FOXP2: variants seen among roughly 807,000 people sequenced by gnomAD.
FOXP2 encodes forkhead box protein P2.
In FOXP2, 12 loss-of-function variants were observed where a neutral mutation model predicts 115.8. The observed-to-expected ratio is 0.10, with a 90% CI of 0.07 to 0.17. FOXP2 has a LOEUF of 0.17. Among genes scored for constraint, FOXP2 ranks in the 10% least tolerant of loss-of-function variants. The pLI is 1.00. For missense variants in FOXP2, 629 were observed against 843.5 expected (o/e 0.75, Z 3.15); for synonymous variants, 328 against 297.7 (o/e 1.10, Z -1.05).
intron 2 of FOXP2, among the ~76,000 whole-genome samples, chr7:114,439,693 C>T (rs1280831686): frequency 1.3e-5 from 2 of 152,000 alleles, no homozygotes; most frequent in Admixed American, 6.6e-5. Flanking sequence ...TACAGGTGTG[C>T]ACCACCACGC....
At chr7:114,425,019 C>A (rs1364501548) in intron 1 of FOXP2, among the ~76,000 whole-genome samples, 1 of 151,126 alleles carries the variant, frequency 6.6e-6, no homozygotes, top group Non-Finnish European at 1.5e-5. Flanking sequence ...TTAATTTTAA[C>A]AATTTTAATA....
intron 2 of FOXP2, among the ~76,000 whole-genome samples, chr7:114,444,267 A>G (rs970369983): frequency 6.6e-6 from 1 of 152,148 alleles, no homozygotes; most frequent in Non-Finnish European, 1.5e-5. Flanking sequence ...CCTTTTTGAA[A>G]TCTCACCAAG....
intron 2 of FOXP2, among the ~76,000 whole-genome samples, chr7:114,392,926 A>T (rs1386748446): frequency 6.6e-6 from 1 of 152,166 alleles, no homozygotes; most frequent in Non-Finnish European, 1.5e-5. Context: ...TGGGTTTAAG[A>T]GAATCAGTGC....
intron 2 of FOXP2, among the ~76,000 whole-genome samples, chr7:114,528,292 T>A (rs1027184314): frequency 1.3e-5 from 2 of 152,108 alleles, no homozygotes; most frequent in African/African-American, 2.4e-5. Context: ...ATATCCTCCA[T>A]AAAAATTTCA....
chr7:114,297,382 T>C (rs1358208146), intron 2 of FOXP2: 3 of 722,662 alleles, frequency 4.2e-6, no homozygotes, highest in Non-Finnish European at 7.0e-6. Context: ...TTGGTCACCT[T>C]GTGGCCCTTG....
upstream of FOXP2, among the ~76,000 whole-genome samples, chr7:114,159,385 A>G (rs1292960343): frequency 6.6e-6 from 1 of 152,198 alleles, no homozygotes; most frequent in African/African-American, 2.4e-5. Flanking sequence ...AAGATTTACT[A>G]AACTCTGAGA....
rs964531926 is a variant in FOXP2 at position 114,509,000 on chromosome 7, A to G, written c.169-25617A>G. Among the ~76,000 whole-genome samples the G allele has an allele frequency of 2.6e-5, 4 of 152,232 alleles. No individual in the cohort carries two copies. In the East Asian group the frequency reaches 7.7e-4, roughly 29 times the overall value. On this transcript the variant is annotated intron_variant, in intron 2 of 16. Transcript: ENST00000350908. The stretch of plus-strand genomic sequence containing the variant: ...ATTAAAGAGATCTTAAAGAAGTAAA[A>G]GAGCAAGCTTTGTGTATTTGAGAGA...
At chr7:114,335,807 G>C (rs938269039) in intron 2 of FOXP2, among the ~76,000 whole-genome samples, 1 of 151,380 alleles carries the variant, frequency 6.6e-6, no homozygotes, top group African/African-American at 2.4e-5. Flanking sequence ...CTATATAATA[G>C]GCATGAAAAA....
At chr7:114,400,736 A>G (rs914229948) in intron 2 of FOXP2, among the ~76,000 whole-genome samples, 2 of 152,080 alleles carry the variant, frequency 1.3e-5, no homozygotes, top group Non-Finnish European at 2.9e-5. Context: ...TCACGTTCCT[A>G]TGAGGACTTA....
intron 1 of FOXP2, among the ~76,000 whole-genome samples, chr7:114,271,624 T>C (rs1330794180): frequency 8.2e-6 from 1 of 122,276 alleles, no homozygotes; most frequent in African/African-American, 3.2e-5. Flanking sequence ...TAAATAATTA[T>C]ATTATTAATA....
At chr7:114,601,620 A>C (rs757474808) in intron 3 of FOXP2, among the ~76,000 whole-genome samples, 1 of 152,098 alleles carries the variant, frequency 6.6e-6, no homozygotes, top group Non-Finnish European at 1.5e-5. Context: ...TGTGCATTTA[A>C]GACTATAAAT....
chr7:114,673,963 A>G (rs1000787179), intron 16 of FOXP2, among the ~76,000 whole-genome samples: 2 of 152,050 alleles, frequency 1.3e-5, no homozygotes, highest in African/African-American at 4.8e-5. Flanking sequence ...CGACCTCCCA[A>G]AGTGTTGGGA....
chr7:114,206,447 G>C (rs1794204221), intron 1 of FOXP2, among the ~76,000 whole-genome samples: 1 of 152,022 alleles, frequency 6.6e-6, no homozygotes. Flanking sequence ...CCTCAGCCAG[G>C]CAAGCACACC....
Position 114,631,602 on chromosome 7 carries a change from G to A in FOXP2, c.672G>A (p.Met224Ile). 1.2e-6 allele frequency: 2 copies of A among 1,611,876 alleles called. No individual in the cohort carries two copies. Among genetic ancestry groups the A allele is most frequent in the Non-Finnish European group, 1.7e-6 (2 of 1,179,014 alleles). ...QLVFQQQLLQ[M>I]QQLQQQQHLL... is the part of the protein sequence containing the mutation. ...TCTTCCAGCAGCAGCTTCTCCAGAT[G>A]CAACAACTCCAGCAGCAGCAGCATC... Residue 224 changes from methionine (M) to isoleucine (I), a missense_variant, in exon 6 of 17, where the codon ATG (methionine) becomes ATA (isoleucine). By Grantham distance (10) the Met-to-Ile change is conservative (BLOSUM62 1). Transcript: ENST00000350908.
intron 2 of FOXP2, among the ~76,000 whole-genome samples, chr7:114,337,285 C>A (rs554428193): frequency 1.3e-5 from 2 of 151,288 alleles, no homozygotes; most frequent in African/African-American, 2.4e-5. Flanking sequence ...GTGTGCAGTA[C>A]GTAGCAGGTA....
At chr7:114,112,258 A>G (rs187565395) in intron 1 of FOXP2, among the ~76,000 whole-genome samples, 1 of 152,214 alleles carries the variant, frequency 6.6e-6, no homozygotes, top group East Asian at 1.9e-4. Flanking sequence ...GTAGGAAGTT[A>G]CAATACCAGT....
At position 114,693,571 on chromosome 7, in the gene FOXP2, C is replaced by T. The variant is rs1281918611; in HGVS notation, c.*3645C>T. The T allele has an allele frequency of 2.2e-6, 1 of 453,024 alleles. No homozygotes were observed. The highest frequency in any genetic ancestry group is 7.0e-5 in the East Asian group (1 of 14,346). 28.1% of individuals were successfully genotyped at this position (453,024 alleles called of 1,614,324 possible). ...CTTGTTATTTCACTAGTTCAGGTTG[C>T]AACGAAAGGTTTTTTTGTCCATGAA... On this transcript the variant is annotated 3_prime_UTR_variant, in exon 17 of 17. Coordinates refer to ENST00000350908, the MANE Select transcript of FOXP2 (RefSeq NM_014491.4).
chr7:114,469,664 A>C (rs1176842757), intron 2 of FOXP2, among the ~76,000 whole-genome samples: 1 of 152,226 alleles, frequency 6.6e-6, no homozygotes, highest in Non-Finnish European at 1.5e-5. Flanking sequence ...ATTAGGAAGC[A>C]ATGAAGATTA....
intron 3 of FOXP2, among the ~76,000 whole-genome samples, chr7:114,585,466 G>C (rs966514973): frequency 6.6e-6 from 1 of 151,916 alleles, no homozygotes; most frequent in Non-Finnish European, 1.5e-5. Context: ...ATCTCAGTGG[G>C]GCCCCACCAC....
Sources: allele counts gnomAD v4.1 joint callset (sites outside exome capture counted in the v4.1 genomes callset), GRCh38; gene constraint gnomAD v4.1.1; transcripts MANE v1.5; gene names NCBI Gene and HGNC (gene_info 2026-07-23, HGNC 2026-07-21).